CCNJ: variants seen among roughly 807,000 people sequenced by gnomAD.
CCNJ encodes cyclin J.
CCNJ carries 12 observed loss-of-function variants against 41.4 expected under a neutral mutation model. The ratio of observed to expected loss-of-function variants is 0.29; its 90% confidence interval spans 0.19 to 0.47. CCNJ has a LOEUF of 0.47. CCNJ is among the 20% of genes least tolerant of loss of function. CCNJ has a pLI of 1.00. For missense variants in CCNJ, 340 were observed against 464.6 expected (o/e 0.73, Z 2.47); for synonymous variants, 161 against 173.4 (o/e 0.93, Z 0.56).
chr10:96,052,803 C>T (rs2080566068), intron 3 of CCNJ, among the ~76,000 whole-genome samples: 1 of 152,246 alleles, frequency 6.6e-6, no homozygotes, highest in East Asian at 1.9e-4. Flanking sequence ...GGAAGAATTG[C>T]TTTTACATTC....
intron 3 of CCNJ, among the ~76,000 whole-genome samples, chr10:96,053,776 GAT>G (rs2080599277): frequency 1.3e-5 from 2 of 152,140 alleles, no homozygotes; most frequent in Admixed American, 6.5e-5. Context: ...GCTTTTTACT[GAT>G]GTGTGAAAAT....
At chr10:96,057,307 G>A in intron 5 of CCNJ, 60 bp downstream of exon 5, 1 of 1,469,242 alleles carries the variant, frequency 6.8e-7, no homozygotes, top group African/African-American at 1.4e-5. Context: ...CATGTATGAG[G>A]TGCCCTGAAA....
chr10:96,047,738 C>T (rs529845032), intron 2 of CCNJ, among the ~76,000 whole-genome samples: 90 of 152,290 alleles, frequency 5.9e-4, no homozygotes, highest in African/African-American at 2.1e-3. Flanking sequence ...ATATAACTTC[C>T]CTTTTTTGTT....
intron 3 of CCNJ, among the ~76,000 whole-genome samples, chr10:96,055,315 C>T (rs974911209): frequency 1.3e-5 from 2 of 152,186 alleles, no homozygotes; most frequent in African/African-American, 4.8e-5. Context: ...AGCTTAGAAT[C>T]TCCTGGCATA....
At chr10:96,055,659 A>G (rs2080663475) in intron 3 of CCNJ, among the ~76,000 whole-genome samples, 1 of 152,252 alleles carries the variant, frequency 6.6e-6, no homozygotes, top group Non-Finnish European at 1.5e-5. Flanking sequence ...TCAGCTGTGC[A>G]TAGCTGAAAC....
At chr10:96,056,042 G>A (rs1245841585) in intron 3 of CCNJ, among the ~76,000 whole-genome samples, 1 of 152,234 alleles carries the variant, frequency 6.6e-6, no homozygotes, top group Admixed American at 6.5e-5. Flanking sequence ...GGGCGCAGTG[G>A]CTCACGCCTG....
At chr10:96,050,153 G>C (rs1437005327) in intron 2 of CCNJ, 103 bp from the exon 3 acceptor site, 2 of 778,268 alleles carry the variant, frequency 2.6e-6, no homozygotes, top group African/African-American at 3.5e-5. Flanking sequence ...GTATGTTTTA[G>C]GCACTTGTAA....
In CCNJ at chr10:96,058,137, C is replaced by A. The variant is rs764671643; in HGVS notation, c.1048C>A (p.Leu350Met). The A allele has an allele frequency of 1.2e-6, 2 of 1,613,988 alleles. No homozygotes were observed. The highest frequency in any genetic ancestry group is 1.7e-6 in the Non-Finnish European group (2 of 1,179,950). Reference protein sequence around the residue: ...GHMQTGVGMSLAIPVEVKPCL... With the variant: ...GHMQTGVGMSMAIPVEVKPCL... ...CATGCAGACTGGTGTTGGGATGTCA[C>A]TGGCAATACCAGTAGAAGTTAAGCC... is the stretch of plus-strand genomic sequence containing the variant. The change falls in exon 6 of 6, where the codon CTG becomes ATG. Residue 350 changes from leucine to methionine, a missense_variant. Physicochemically the swap from Leu to Met is conservative, Grantham distance 15. Around this residue, in one of 3 missense-constraint regions of CCNJ, gnomAD observed 159 missense variants for 168.2 expected, o/e 0.95. Coordinates refer to ENST00000465148, the MANE Select transcript of CCNJ (RefSeq NM_001134375.2).
At chr10:96,043,371 G>A, upstream of CCNJ, 1 of 350,012 alleles carries the variant, frequency 2.9e-6, no homozygotes, top group Non-Finnish European at 5.1e-6. Context: ...CGAAGCGCCA[G>A]GCCAGCCCAG....
Position 96,057,130 on chromosome 10 carries a change from C to T in CCNJ, c.623C>T (p.Ala208Val). 6.2e-7 allele frequency: 1 copy of T among 1,614,014 alleles called. No homozygotes were observed. The highest frequency in any genetic ancestry group is 1.3e-5 in the African/African-American group (1 of 75,042). Reference protein sequence around the residue: ...LNYAPSLVAAACVASSRIILR... With the variant: ...LNYAPSLVAAVCVASSRIILR... ...TATGCACCTTCTTTAGTAGCTGCTGCATGTGTGGCTTCTTCGAGGATTATA... is the reference window on the plus strand; with the variant it reads ...TATGCACCTTCTTTAGTAGCTGCTGTATGTGTGGCTTCTTCGAGGATTATA... The change falls in exon 5 of 6, where the codon GCA becomes GTA. Residue 208 changes from alanine to valine, a missense_variant. Physicochemically the swap from Ala to Val is moderately conservative, Grantham distance 64. Around this residue, in one of 3 missense-constraint regions of CCNJ, gnomAD observed 137 missense variants for 252.9 expected, o/e 0.54. Coordinates refer to ENST00000465148, the MANE Select transcript of CCNJ (RefSeq NM_001134375.2).
intron 5 of CCNJ, 92 bp downstream of exon 5, chr10:96,057,339 G>A: frequency 1.8e-6 from 2 of 1,088,884 alleles, no homozygotes; most frequent in Non-Finnish European, 1.4e-6. Flanking sequence ...AAGGCACAGA[G>A]TTCCTAGGTT....
chr10:96,055,730 A>G (rs937253074), intron 3 of CCNJ, among the ~76,000 whole-genome samples: 8 of 152,146 alleles, frequency 5.3e-5, no homozygotes, highest in African/African-American at 1.7e-4. Flanking sequence ...CAGCCATCAT[A>G]TTGTCTTTAC....
chr10:96,047,332 T>C lies in CCNJ; in HGVS notation c.69+2870T>C, dbSNP rs576325701. Reference sequence around the variant, plus strand: ...CTAGGAACTACATGAGAAATCGGCATCTTCCCTTTATGTGGAAAAAAAAAA... The same window carrying C: ...CTAGGAACTACATGAGAAATCGGCACCTTCCCTTTATGTGGAAAAAAAAAA... On this transcript the variant is annotated intron_variant, in intron 2 of 5. Transcript: ENST00000465148. 1.5e-4 allele frequency among the ~76,000 whole-genome samples: 23 copies of C among 152,274 alleles called. 1 individual carries two copies. The South Asian group carries it at 4.1e-3, about 27-fold the overall frequency.
intron 3 of CCNJ, among the ~76,000 whole-genome samples, chr10:96,055,890 T>C (rs996821438): frequency 8.5e-5 from 13 of 152,228 alleles, no homozygotes; most frequent in African/African-American, 2.4e-4. Flanking sequence ...TTGTGTTAAA[T>C]GTTCACCCAG....
chr10:96,050,488 A>G (rs766473776), intron 3 of CCNJ, 22 bp downstream of exon 3: 32 of 1,543,272 alleles, frequency 2.1e-5, no homozygotes, highest in Non-Finnish European at 2.2e-5. Flanking sequence ...TCTGATTTAC[A>G]TGACTGGAAA....
At chr10:96,055,792 C>T (rs1489156416) in intron 3 of CCNJ, among the ~76,000 whole-genome samples, 1 of 152,140 alleles carries the variant, frequency 6.6e-6, no homozygotes, top group African/African-American at 2.4e-5. Flanking sequence ...AACTATCTCC[C>T]CCATGCCCCT....
chr10:96,051,872 T>C (rs929769260), intron 3 of CCNJ, among the ~76,000 whole-genome samples: 1 of 152,188 alleles, frequency 6.6e-6, no homozygotes, highest in Non-Finnish European at 1.5e-5. Flanking sequence ...AGGCTGAATG[T>C]AAATAAAACA....
At chr10:96,048,021 AAGTG>A (rs1269347787) in intron 2 of CCNJ, among the ~76,000 whole-genome samples, 1 of 147,688 alleles carries the variant, frequency 6.8e-6, no homozygotes, top group Non-Finnish European at 1.5e-5. Context: ...TCCCACTTAT[AAGTG>A]AGAACATGTG....
At chr10:96,043,994 C>T (rs1200845050) in intron 1 of CCNJ, among the ~76,000 whole-genome samples, 2 of 152,198 alleles carry the variant, frequency 1.3e-5, no homozygotes, top group South Asian at 4.1e-4. Context: ...TCTCCCCGCT[C>T]CTCAGGGAGG....
Sources: allele counts gnomAD v4.1 joint callset (sites outside exome capture counted in the v4.1 genomes callset), GRCh38; gene constraint gnomAD v4.1.1; regional missense constraint gnomAD v4.1.1; transcripts MANE v1.5; gene names NCBI Gene and HGNC (gene_info 2026-07-23, HGNC 2026-07-21).